The following CRYZL1 variants were observed in gnomAD, a reference collection of about 807,000 sequenced individuals.
The protein encoded by CRYZL1 is crystallin zeta like 1.
In CRYZL1, 34 loss-of-function variants were observed where a neutral mutation model predicts 50.6. That is an observed-to-expected ratio of 0.67 (90% CI 0.51 to 0.89). The LOEUF (loss-of-function observed/expected upper bound fraction) is 0.89, where lower values mean the gene tolerates loss of function less well. CRYZL1 is among the 40% of genes least tolerant of loss of function. The probability of loss-of-function intolerance (pLI) is 0.00; values close to 1 mark genes in which losing one functional copy is unlikely to be tolerated. For synonymous variants in CRYZL1, 125 were observed against 134.3 expected (o/e 0.93, Z 0.48); for missense variants, 354 against 402.3 (o/e 0.88, Z 1.03).
chr21:33,601,938 T>C (rs1203206467), intron 8 of CRYZL1, among the ~76,000 whole-genome samples: 2 of 149,964 alleles, frequency 1.3e-5, no homozygotes, highest in Admixed American at 6.7e-5. Context: ...AAAAAGCAAA[T>C]TGGGAGATAG....
chr21:33,606,705 T>A (rs923694915), intron 6 of CRYZL1, among the ~76,000 whole-genome samples: 1 of 151,176 alleles, frequency 6.6e-6, no homozygotes, highest in Non-Finnish European at 1.5e-5. Flanking sequence ...GTGTTTATTA[T>A]GTTATAAAAA....
In CRYZL1 at chr21:33,602,221, TA is replaced by T; in HGVS notation, c.577+12del. ...TTTCCTGTTTTAAAGTCTGTGCTCA[TA>T]ATATTACCCACCTATGGGAGGTCTG... On this transcript the variant is annotated intron_variant, in intron 8 of 12. Transcript: ENST00000381554. The T allele has an allele frequency of 7.3e-7, 1 of 1,375,556 alleles. No individual in the cohort carries two copies. The highest frequency in any genetic ancestry group is 1.0e-6 in the Non-Finnish European group (1 of 964,836). The allele number at this position is 1,375,556 out of a possible 1,614,324, so 85.2% of individuals were successfully genotyped here.
chr21:33,618,019 G>A (rs1268492683), intron 4 of CRYZL1, among the ~76,000 whole-genome samples: 2 of 152,176 alleles, frequency 1.3e-5, no homozygotes, highest in Non-Finnish European at 2.9e-5. Context: ...GCCGGGCGCG[G>A]TGGCTCACGC....
chr21:33,617,507 G>C (rs1321551961), intron 4 of CRYZL1, among the ~76,000 whole-genome samples: 2 of 152,168 alleles, frequency 1.3e-5, no homozygotes, highest in Non-Finnish European at 2.9e-5. Context: ...TTCAGACACT[G>C]AGTTAAAGAA....
rs2086687777 is a variant in CRYZL1, at chr21:33,595,787, G to A, written c.848C>T (p.Ala283Val). The A allele has an allele frequency of 6.2e-7, 1 of 1,614,136 alleles. No homozygotes were observed. The highest frequency in any genetic ancestry group is 1.1e-5 in the South Asian group (1 of 91,086). ...HCLFLKGATL[A>V]FLNDEVWNLS... ...ATTCCAAACTTCATCATTCAGGAAA[G>A]CTAACGTTGCTCCCTTGAGGAAAAG... Residue 283 changes from alanine (A) to valine (V), a missense_variant, in exon 11 of 13, where the codon GCT (alanine) becomes GTT (valine). Physicochemically the swap from Ala to Val is moderately conservative, Grantham distance 64. Coordinates refer to ENST00000381554, the MANE Select transcript of CRYZL1 (RefSeq NM_145858.3).
In CRYZL1 at chr21:33,623,217, G is replaced by A. The variant is rs537271167; in HGVS notation, c.145-1149C>T. 4.7e-4 allele frequency among the ~76,000 whole-genome samples: 72 copies of A among 152,152 alleles called. No homozygotes were observed. The South Asian group carries it at 0.015, about 31-fold the overall frequency. ...TTGACTTCATGATCTGCCTGCCTCG[G>A]CCTCCCAAAGTGCTGGGATTACAGG... On this transcript the variant is annotated intron_variant, in intron 3 of 12. Transcript: ENST00000381554.
rs1276008051 is a variant in CRYZL1, at chr21:33,640,014, C to T, written c.-7+1667G>A. The T allele has an allele frequency of 1.8e-5, 12 of 665,600 alleles. No individual in the cohort carries two copies. The Admixed American group carries it at 2.0e-4, about 11-fold the overall frequency. 41.2% of individuals were successfully genotyped at this position (665,600 alleles called of 1,614,324 possible). On this transcript the variant is annotated intron_variant, in intron 1 of 12. Coordinates refer to ENST00000381554, the MANE Select transcript of CRYZL1 (RefSeq NM_145858.3). Reference sequence around the variant, plus strand: ...CTAATTTCTGTATTTTTAGTAGACACGGGGTTTCACCATGTTGGCCAGGCT... The same window carrying T: ...CTAATTTCTGTATTTTTAGTAGACATGGGGTTTCACCATGTTGGCCAGGCT...
intron 6 of CRYZL1, among the ~76,000 whole-genome samples, chr21:33,611,183 G>A (rs780526634): frequency 4.7e-4 from 72 of 152,194 alleles, no homozygotes; most frequent in Non-Finnish European, 7.6e-4. Flanking sequence ...ATAGTTTCCT[G>A]TAAAGGAGCC....
intron 2 of CRYZL1, among the ~76,000 whole-genome samples, chr21:33,630,676 A>G (rs549260007): frequency 1.3e-5 from 2 of 152,328 alleles, no homozygotes; most frequent in East Asian, 3.9e-4. Context: ...GCAATATGTC[A>G]AAGTGATATC....
In CRYZL1 at chr21:33,597,903, A is replaced by T. The variant is rs9975902; in HGVS notation, c.677-502T>A. Among the ~76,000 whole-genome samples, 9 of 152,250 alleles carry T rather than the reference A, an allele frequency of 5.9e-5. No homozygotes were observed. The South Asian group carries it at 8.3e-4, about 14-fold the overall frequency. On this transcript the variant is annotated intron_variant, in intron 9 of 12. Transcript: ENST00000381554. ...TGCTGGGATTACAGGCATGAGCCAC[A>T]GCACCCAGCCCTCCTTACTTTTTAA... is the stretch of plus-strand genomic sequence containing the variant.
chr21:33,613,292 C>T (rs2086892500), intron 6 of CRYZL1, among the ~76,000 whole-genome samples: 1 of 152,030 alleles, frequency 6.6e-6, no homozygotes, highest in Non-Finnish European at 1.5e-5. Context: ...AAGATCTTAC[C>T]ATGAGCAGTG....
In CRYZL1 at chr21:33,627,745, T is replaced by G. The variant is rs999630750; in HGVS notation, c.67-2985A>C. 5.6e-5 allele frequency among the ~76,000 whole-genome samples: 8 copies of G among 142,350 alleles called. No homozygotes were observed. In the East Asian group the frequency reaches 1.0e-3, roughly 18 times the overall value. The allele number at this position is 142,350 out of a possible 152,430, so 93.4% of individuals were successfully genotyped here. A position where few individuals can be genotyped will look rare whatever the true frequency, so the allele number is the denominator to read the frequency against. ...ATTTCACATATGAGACATGGTTTTT[T>G]TTTTTTTTTTTTTTTTTGAGACCGA... On this transcript the variant is annotated intron_variant, in intron 2 of 12. Transcript: ENST00000381554.
intron 1 of CRYZL1, among the ~76,000 whole-genome samples, chr21:33,632,145 A>T (rs1349212992): frequency 6.7e-6 from 1 of 149,756 alleles, no homozygotes; most frequent in Non-Finnish European, 1.5e-5. Flanking sequence ...CGACATGGAG[A>T]AACCCCATCT....
intron 2 of CRYZL1, among the ~76,000 whole-genome samples, chr21:33,629,715 C>CTCTT (rs949108699): frequency 6.6e-6 from 1 of 152,324 alleles, no homozygotes; most frequent in East Asian, 1.9e-4. Flanking sequence ...AATTCGAATG[C>CTCTT]TCTTTCTTTC....
intron 1 of CRYZL1, among the ~76,000 whole-genome samples, chr21:33,634,457 C>T (rs1162087035): frequency 6.6e-6 from 1 of 152,186 alleles, no homozygotes; most frequent in African/African-American, 2.4e-5. Flanking sequence ...GTTCTACCCC[C>T]TCTCTGGAAT....
intron 1 of CRYZL1, among the ~76,000 whole-genome samples, chr21:33,636,523 A>T (rs2087208596): frequency 6.6e-6 from 1 of 152,174 alleles, no homozygotes; most frequent in Admixed American, 6.5e-5. Flanking sequence ...AATACTATAA[A>T]TTTTTATATT....
At chr21:33,610,856 C>T (rs373624079) in intron 6 of CRYZL1, among the ~76,000 whole-genome samples, 15 of 151,442 alleles carry the variant, frequency 9.9e-5, no homozygotes, top group Admixed American at 8.6e-4. Context: ...CTCAGCCTCC[C>T]GAGTAGCTGG....
At chr21:33,595,120 GA>G (rs2086681340) in intron 11 of CRYZL1, 2 of 1,015,740 alleles carry the variant, frequency 2.0e-6, no homozygotes, top group Admixed American at 5.0e-5. Flanking sequence ...CTTTCTTTTT[GA>G]AATTGTTTGT....
chr21:33,637,127 T>G (rs561842908), intron 1 of CRYZL1, among the ~76,000 whole-genome samples: 1 of 152,260 alleles, frequency 6.6e-6, no homozygotes, highest in African/African-American at 2.4e-5. Context: ...CAAACAAGAT[T>G]TTGCTGTACT....
Sources: gnomAD v4.1 joint callset for allele counts (sites outside exome capture counted in the v4.1 genomes callset) on GRCh38, gnomAD v4.1.1 for gene constraint, MANE v1.5 for transcripts, NCBI Gene and HGNC (gene_info 2026-07-23, HGNC 2026-07-21) for gene names.